SERGEF: variants seen among roughly 807,000 people sequenced by gnomAD.
SERGEF encodes secretion-regulating guanine nucleotide exchange factor.
SERGEF carries 51 observed loss-of-function variants against 50.0 expected under a neutral mutation model. The ratio of observed to expected loss-of-function variants is 1.02; its 90% CI spans 0.81 to 1.29. SERGEF has a LOEUF of 1.29. Among genes scored for constraint, SERGEF ranks in the 50% most tolerant of loss-of-function variants. The pLI is 0.00. For missense variants in SERGEF, 521 were observed against 557.0 expected, an observed-to-expected ratio of 0.94 and a Z score of 0.65; for synonymous variants, 205 against 212.4, an observed-to-expected ratio of 0.97 and a Z score of 0.30.
At chr11:17,966,406 T>C (rs1262208386) in intron 8 of SERGEF, among the ~76,000 whole-genome samples, 1 of 152,222 alleles carries the variant, frequency 6.6e-6, no homozygotes, top group Non-Finnish European at 1.5e-5. Flanking sequence ...AGGTCCCTTC[T>C]GCTTTAGGCA....
intron 1 of SERGEF, among the ~76,000 whole-genome samples, chr11:18,008,427 C>G (rs1854127985): frequency 6.6e-6 from 1 of 152,154 alleles, no homozygotes. Context: ...TTTACTGGGG[C>G]AAAGGACAAA....
At chr11:17,950,242 A>G (rs1852750139) in intron 9 of SERGEF, among the ~76,000 whole-genome samples, 3 of 152,204 alleles carry the variant, frequency 2.0e-5, no homozygotes, top group Admixed American at 2.0e-4. Flanking sequence ...AGTGGTGAAC[A>G]AGGCCAACAA....
chr11:17,790,657 G>A (rs1031564554), intron 10 of SERGEF, among the ~76,000 whole-genome samples: 3 of 152,178 alleles, frequency 2.0e-5, no homozygotes, highest in African/African-American at 7.2e-5. Flanking sequence ...TTTGTACAGG[G>A]TGATCCCTGG....
chr11:17,799,071 T>A (rs1849617513), intron 10 of SERGEF, among the ~76,000 whole-genome samples: 1 of 152,208 alleles, frequency 6.6e-6, no homozygotes, highest in Admixed American at 6.5e-5. Context: ...CAAGATTTCT[T>A]CAATCCTGGT....
intron 9 of SERGEF, among the ~76,000 whole-genome samples, chr11:17,916,299 T>C (rs1456880502): frequency 6.6e-6 from 1 of 152,236 alleles, no homozygotes; most frequent in Admixed American, 6.5e-5. Flanking sequence ...AAGGGCTTTC[T>C]GAATCATCAA....
chr11:17,886,006 G>C (rs1249340235), intron 9 of SERGEF, among the ~76,000 whole-genome samples: 2 of 152,100 alleles, frequency 1.3e-5, no homozygotes, highest in Non-Finnish European at 2.9e-5. Flanking sequence ...GTCAGTGTGA[G>C]GTAATGGAGA....
chr11:17,812,676 C>T (rs1328010173), intron 10 of SERGEF, among the ~76,000 whole-genome samples: 1 of 152,162 alleles, frequency 6.6e-6, no homozygotes, highest in Non-Finnish European at 1.5e-5. Flanking sequence ...TTAATTGTAC[C>T]TTTGACTGTA....
intron 10 of SERGEF, among the ~76,000 whole-genome samples, chr11:17,819,245 G>C (rs566666153): frequency 9.2e-5 from 14 of 152,302 alleles, no homozygotes; most frequent in African/African-American, 3.4e-4. Context: ...CTGTATTTTA[G>C]TCAACACCAT....
chr11:17,942,171 G>A (rs1748849036), intron 9 of SERGEF, among the ~76,000 whole-genome samples: 1 of 152,056 alleles, frequency 6.6e-6, no homozygotes, highest in African/African-American at 2.4e-5. Flanking sequence ...TTTTGATTGG[G>A]GTTGCTTTAA....
At chr11:17,800,169 G>C (rs1379632975) in intron 10 of SERGEF, among the ~76,000 whole-genome samples, 1 of 151,810 alleles carries the variant, frequency 6.6e-6, no homozygotes, top group African/African-American at 2.4e-5. Flanking sequence ...CTTTTAAATA[G>C]ACTATTTTTT....
chr11:17,794,850 T>A (rs993346314), intron 10 of SERGEF, among the ~76,000 whole-genome samples: 1 of 152,122 alleles, frequency 6.6e-6, no homozygotes, highest in Non-Finnish European at 1.5e-5. Context: ...AGAGTAACAG[T>A]CCACCTATGG....
intron 9 of SERGEF, among the ~76,000 whole-genome samples, chr11:17,958,902 AC>A (rs1042182043): frequency 6.6e-6 from 1 of 150,744 alleles, no homozygotes. Context: ...CTCTGCCCCC[AC>A]CCCCCTCCAG....
intron 9 of SERGEF, among the ~76,000 whole-genome samples, chr11:17,955,427 T>C (rs1375808792): frequency 6.6e-6 from 1 of 152,130 alleles, no homozygotes; most frequent in Admixed American, 6.5e-5. Flanking sequence ...GTTTATGGAA[T>C]GGGCAAGAAC....
chr11:17,885,577 G>T (rs1338313169), intron 9 of SERGEF, among the ~76,000 whole-genome samples: 2 of 151,760 alleles, frequency 1.3e-5, no homozygotes, highest in Admixed American at 1.3e-4. Context: ...TCCTCCCTCG[G>T]CCTCTCAAAG....
intron 10 of SERGEF, among the ~76,000 whole-genome samples, chr11:17,807,520 C>T (rs867334137): frequency 6.6e-6 from 1 of 152,212 alleles, no homozygotes; most frequent in African/African-American, 2.4e-5. Flanking sequence ...GGGGGTAATG[C>T]GGTTTTTAGC....
At chr11:17,882,597 GTC>G (rs1851356024) in intron 9 of SERGEF, among the ~76,000 whole-genome samples, 1 of 152,078 alleles carries the variant, frequency 6.6e-6, no homozygotes, top group African/African-American at 2.4e-5. Context: ...TAGGTCCTCT[GTC>G]TCTCAGACAT....
chr11:17,822,680 G>T (rs1445141313), intron 10 of SERGEF, among the ~76,000 whole-genome samples: 1 of 152,260 alleles, frequency 6.6e-6, no homozygotes, highest in South Asian at 2.1e-4. Context: ...ATTCCAAAGT[G>T]CCATCAGGCA....
chr11:17,859,519 T>C (rs964824602), intron 10 of SERGEF, among the ~76,000 whole-genome samples: 1 of 151,924 alleles, frequency 6.6e-6, no homozygotes, highest in African/African-American at 2.4e-5. Flanking sequence ...AAGGAAAAAA[T>C]TGTAAAACAA....
At chr11:18,009,936 A>C in intron 1 of SERGEF, 2 of 334,772 alleles carry the variant, frequency 6.0e-6, no homozygotes, top group South Asian at 5.3e-5. Context: ...GTGGCCAAAG[A>C]CTATAAATGG....
Sources: gnomAD v4.1 joint callset for allele counts (sites outside exome capture counted in the v4.1 genomes callset) on GRCh38, gnomAD v4.1.1 for gene constraint, MANE v1.5 for transcripts, NCBI Gene and HGNC (gene_info 2026-07-23, HGNC 2026-07-21) for gene names.